The following ZNF136 variants were observed in gnomAD, a reference collection of about 807,000 sequenced individuals.
ZNF136 encodes zinc finger protein 136, also known as zinc finger protein 136 (clone pHZ-20).
ZNF136 carries 8 observed loss-of-function variants against 11.4 expected under a neutral mutation model. The observed-to-expected ratio is 0.70, with a 90% CI of 0.41 to 1.27. The LOEUF is 1.27. Ranked by LOEUF, ZNF136 falls within the 50% of genes most tolerant of loss-of-function variation. ZNF136 has a pLI of 0.01. For missense variants in ZNF136, 590 were observed against 656.5 expected (o/e 0.90, Z 1.11); for synonymous variants, 190 against 207.1 (o/e 0.92, Z 0.71).
At chr19:12,186,227 T>C (rs1915079922) in intron 3 of ZNF136, 53 bp downstream of exon 3, 1 of 1,541,096 alleles carries the variant, frequency 6.5e-7, no homozygotes, top group African/African-American at 1.4e-5. Context: ...TAGCATGTCA[T>C]GAAATTTTAA....
At chr19:12,174,167 A>G (rs1007687060) in intron 1 of ZNF136, among the ~76,000 whole-genome samples, 1 of 152,262 alleles carries the variant, frequency 6.6e-6, no homozygotes, top group East Asian at 1.9e-4. Context: ...GGCCTCCCAA[A>G]GTGCTGAGAT....
chr19:12,181,130 T>A (rs1275692202), intron 1 of ZNF136, among the ~76,000 whole-genome samples: 1 of 152,222 alleles, frequency 6.6e-6, no homozygotes, highest in Admixed American at 6.5e-5. Context: ...GCCCTGGCTC[T>A]GTGCTCTGTG....
Position 12,186,681 on chromosome 19 carries a change from CTG to C in ZNF136, c.306_307del (p.Cys102Ter), listed in dbSNP as rs1915096900. 1 of 1,614,010 alleles carries C rather than the reference CTG, an allele frequency of 6.2e-7. No individual in the cohort carries two copies. On this transcript the variant is annotated frameshift_variant, in exon 4 of 4. Coordinates refer to ENST00000343979, the MANE Select transcript of ZNF136 (RefSeq NM_003437.5). LOFTEE classifies it low-confidence loss of function (END_TRUNC). ...LSKKIPGVKL[C>X]ESIVYGEVSM... ...GCAAGAAAATCCCTGGAGTGAAACT[CTG>C]TGAAAGCATTGTATATGGAGAAGTC... is the stretch of plus-strand genomic sequence containing the variant.
chr19:12,171,427 T>C (rs1914651007), intron 1 of ZNF136, among the ~76,000 whole-genome samples: 1 of 152,248 alleles, frequency 6.6e-6, no homozygotes, highest in Non-Finnish European at 1.5e-5. Context: ...TTCTCTTTAT[T>C]TTTCTCTGTG....
intron 1 of ZNF136, among the ~76,000 whole-genome samples, chr19:12,181,446 T>TTTTTG (rs1224289576): frequency 2.6e-5 from 4 of 152,198 alleles, no homozygotes; most frequent in East Asian, 3.9e-4. Flanking sequence ...CTATTTGGTT[T>TTTTTG]TTTTGTTTTG....
chr19:12,166,627 C>T (rs181711801), intron 1 of ZNF136, among the ~76,000 whole-genome samples: 2 of 152,258 alleles, frequency 1.3e-5, no homozygotes, highest in Admixed American at 1.3e-4. Context: ...ACTAGGAATC[C>T]TCTAATAGGA....
intron 1 of ZNF136, among the ~76,000 whole-genome samples, chr19:12,181,140 G>A (rs1329142590): frequency 6.6e-6 from 1 of 152,218 alleles, no homozygotes; most frequent in African/African-American, 2.4e-5. Context: ...TGTGCTCTGT[G>A]CTGGCCGTGG....
chr19:12,184,556 TA>T (rs35016711), intron 1 of ZNF136: 601 of 124,620 alleles, frequency 4.8e-3, no homozygotes, highest in Middle Eastern at 9.1e-3. Flanking sequence ...AGACTCCGTC[TA>T]AAAAAAAAAA....
chr19:12,177,411 C>T (rs780211421), intron 1 of ZNF136, among the ~76,000 whole-genome samples: 1 of 152,160 alleles, frequency 6.6e-6, no homozygotes, highest in African/African-American at 2.4e-5. Flanking sequence ...GGCGCGATCT[C>T]GGCTCACTAC....
chr19:12,184,449 T>C (rs1458171816), intron 1 of ZNF136, among the ~76,000 whole-genome samples: 1 of 149,756 alleles, frequency 6.7e-6, no homozygotes, highest in African/African-American at 2.5e-5. Flanking sequence ...TAGTCCCAGC[T>C]ACTCAGGAGG....
chr19:12,170,253 G>A (rs973082543), intron 1 of ZNF136, among the ~76,000 whole-genome samples: 1 of 152,148 alleles, frequency 6.6e-6, no homozygotes, highest in Non-Finnish European at 1.5e-5. Context: ...GCCTCAGTCC[G>A]TTGCACACAT....
chr19:12,168,368 C>T (rs1213391132), intron 1 of ZNF136, among the ~76,000 whole-genome samples: 1 of 152,036 alleles, frequency 6.6e-6, no homozygotes, highest in African/African-American at 2.4e-5. Flanking sequence ...GCCACCACGC[C>T]CCCGACAAGC....
At chr19:12,177,496 A>G (rs1914831191) in intron 1 of ZNF136, among the ~76,000 whole-genome samples, 1 of 152,086 alleles carries the variant, frequency 6.6e-6, no homozygotes, top group Admixed American at 6.6e-5. Context: ...TTACAGGCAC[A>G]TGCCACCATG....
At chr19:12,169,299 G>T (rs964448910) in intron 1 of ZNF136, 7 of 152,284 alleles carry the variant, frequency 4.6e-5, no homozygotes, top group Non-Finnish European at 8.8e-5. Context: ...GACATCACAG[G>T]TCAGAACCTT....
In ZNF136 at chr19:12,163,133, T is replaced by C; in HGVS notation, c.-71T>C. On this transcript the variant is annotated 5_prime_UTR_variant, in exon 1 of 4. Transcript: ENST00000343979. The stretch of plus-strand genomic sequence containing the variant: ...GGCCCAGAGTGGCTCGCCTGGAGTC[T>C]CTGTGGCGCGGTTTCCTGTACCTGC... 1 of 1,387,530 alleles carries C rather than the reference T, an allele frequency of 7.2e-7. No homozygotes were observed. Among genetic ancestry groups the C allele is most frequent in the Non-Finnish European group, 9.4e-7 (1 of 1,063,126 alleles). The allele number at this position is 1,387,530 out of a possible 1,614,324, so 86.0% of individuals were successfully genotyped here.
chr19:12,186,442 A>C, intron 3 of ZNF136, 128 bp from the exon 4 acceptor site: 1 of 889,056 alleles, frequency 1.1e-6, no homozygotes, highest in South Asian at 1.8e-5. Flanking sequence ...GAATTCATTC[A>C]TGCTCAAACA....
chr19:12,170,836 ATTT>A (rs1195624356), intron 1 of ZNF136, among the ~76,000 whole-genome samples: 3 of 133,760 alleles, frequency 2.2e-5, no homozygotes. Context: ...CACCCAGCTA[ATTT>A]TTTTTTTTTT....
At chr19:12,176,429 C>T (rs1428340632) in intron 1 of ZNF136, among the ~76,000 whole-genome samples, 1 of 151,934 alleles carries the variant, frequency 6.6e-6, no homozygotes, top group Non-Finnish European at 1.5e-5. Flanking sequence ...TTGATTCAAG[C>T]GATTCTCCTG....
At chr19:12,176,205 A>G (rs148234028) in intron 1 of ZNF136, among the ~76,000 whole-genome samples, 19 of 152,282 alleles carry the variant, frequency 1.2e-4, no homozygotes, top group African/African-American at 4.6e-4. Flanking sequence ...CTGGAGGTTA[A>G]GAGACACCCC....
Sources: gnomAD v4.1 joint callset for allele counts (sites outside exome capture counted in the v4.1 genomes callset) on GRCh38, gnomAD v4.1.1 for gene constraint, MANE v1.5 for transcripts, NCBI Gene and HGNC (gene_info 2026-07-23, HGNC 2026-07-21) for gene names.